Variants in KIF26B observed in about 807,000 individuals in gnomAD.
KIF26B encodes kinesin family member 26B, also known as kinesin-like protein KIF26B.
In KIF26B, 63 loss-of-function variants were observed where a neutral mutation model predicts 151.2. That is an observed-to-expected ratio of 0.42 (90% CI 0.34 to 0.51). The LOEUF is 0.51. KIF26B is among the 20% of genes least tolerant of loss of function. The probability of loss-of-function intolerance (pLI) is 0.07; values close to 1 mark genes in which losing one functional copy is unlikely to be tolerated. For missense variants in KIF26B, 2,813 were observed against 2,913.6 expected (o/e 0.97, Z 0.79); for synonymous variants, 1,357 against 1,262.1 (o/e 1.08, Z -1.59).
intron 2 of KIF26B, among the ~76,000 whole-genome samples, chr1:245,316,804 TG>T (rs1330797709): frequency 3.1e-5 from 4 of 127,532 alleles, no homozygotes; most frequent in South Asian, 4.6e-4. Flanking sequence ...GTGTGATTTC[TG>T]TGGGGCTTTT....
At chr1:245,212,603 C>T (rs1333054692) in intron 2 of KIF26B, among the ~76,000 whole-genome samples, 1 of 152,232 alleles carries the variant, frequency 6.6e-6, no homozygotes, top group African/African-American at 2.4e-5. Flanking sequence ...TCGAGAGCAG[C>T]AGCTCAGTCA....
chr1:245,436,115 T>C (rs1426119618), intron 4 of KIF26B, among the ~76,000 whole-genome samples: 2 of 150,938 alleles, frequency 1.3e-5, no homozygotes, highest in Non-Finnish European at 2.9e-5. Flanking sequence ...AGGTGGAGGT[T>C]GCAGTGAGCT....
chr1:245,294,616 C>G (rs1457868545), intron 2 of KIF26B, among the ~76,000 whole-genome samples: 1 of 152,080 alleles, frequency 6.6e-6, no homozygotes, highest in African/African-American at 2.4e-5. Context: ...AAGAGAATTT[C>G]TGGAAGTGGA....
chr1:245,246,286 C>A (rs1670329528), intron 2 of KIF26B, among the ~76,000 whole-genome samples: 1 of 152,198 alleles, frequency 6.6e-6, no homozygotes, highest in Non-Finnish European at 1.5e-5. Context: ...GTGGAGCCCC[C>A]TGAGCCAACG....
chr1:245,228,474 G>A (rs574046967), intron 2 of KIF26B, among the ~76,000 whole-genome samples: 3 of 151,962 alleles, frequency 2.0e-5, no homozygotes, highest in South Asian at 2.1e-4. Context: ...GCTGAGGCAG[G>A]AGAATTGCTT....
At chr1:245,673,513 C>G (rs567247911) in intron 10 of KIF26B, among the ~76,000 whole-genome samples, 52 of 152,226 alleles carry the variant, frequency 3.4e-4, no homozygotes, top group Non-Finnish European at 3.8e-4. Flanking sequence ...CAGATATTTC[C>G]TGGCCTTATT....
intron 3 of KIF26B, among the ~76,000 whole-genome samples, chr1:245,383,039 G>A (rs868747950): frequency 2.7e-5 from 4 of 146,214 alleles, no homozygotes; most frequent in Non-Finnish European, 4.5e-5. Context: ...ATATGTATAT[G>A]TATATATATA....
chr1:245,478,017 C>T (rs182648265), intron 4 of KIF26B, among the ~76,000 whole-genome samples: 2 of 151,890 alleles, frequency 1.3e-5, no homozygotes, highest in Non-Finnish European at 1.5e-5. Context: ...CCGCTGGCAC[C>T]CACTCATCAA....
chr1:245,513,981 G>A (rs12566972), intron 4 of KIF26B, among the ~76,000 whole-genome samples: 10,615 of 152,134 alleles, frequency 0.07, 728 homozygotes, highest in East Asian at 0.37. Flanking sequence ...CACCCCTTCC[G>A]AACCTCATCT....
intron 5 of KIF26B, among the ~76,000 whole-genome samples, chr1:245,547,585 CAAAAAAAA>C (rs56218217): frequency 1.7e-5 from 2 of 114,616 alleles, no homozygotes; most frequent in African/African-American, 3.3e-5. Flanking sequence ...GACTCCATCT[CAAAAAAAA>C]AAAAAAAAAA....
At chr1:245,209,126 G>A (rs140749378) in intron 2 of KIF26B, among the ~76,000 whole-genome samples, 20 of 152,292 alleles carry the variant, frequency 1.3e-4, no homozygotes, top group Middle Eastern at 3.4e-3. Flanking sequence ...CAGGCCAGGC[G>A]CAGTGGCTCA....
rs563795394 is a variant in KIF26B, at chr1:245,359,207, C to T, written c.466-7627C>T. Among the ~76,000 whole-genome samples the T allele has an allele frequency of 1.3e-3, 205 of 152,060 alleles. 1 individual carries two copies. Among genetic ancestry groups the T allele is most frequent in the African/African-American group, 4.7e-3 (194 of 41,484 alleles). ...TTAATTTTTGTATTTTTAGTAGAGA[C>T]GGGGTTTCACTATGTTGGCCAGGCT... On this transcript the variant is annotated intron_variant, in intron 2 of 14. Coordinates refer to ENST00000407071, the MANE Select transcript of KIF26B (RefSeq NM_018012.4).
At chr1:245,188,196 C>T (rs2103531243) in intron 2 of KIF26B, among the ~76,000 whole-genome samples, 1 of 141,574 alleles carries the variant, frequency 7.1e-6, no homozygotes, top group South Asian at 2.3e-4. Flanking sequence ...AGGAGAATCA[C>T]TTGATCCCAG....
At chr1:245,614,882 ACC>A in intron 9 of KIF26B, 1 of 80,712 alleles carries the variant, frequency 1.2e-5, no homozygotes, top group African/African-American at 5.5e-5. Context: ...GGAGATGCAG[ACC>A]TTTAAAATCG....
chr1:245,530,648 A>G (rs575998811), intron 4 of KIF26B, among the ~76,000 whole-genome samples: 1 of 152,350 alleles, frequency 6.6e-6, no homozygotes, highest in South Asian at 2.1e-4. Context: ...AAAATCTTTC[A>G]GCTCCTACCA....
At chr1:245,159,262 A>G (rs190616940) in intron 2 of KIF26B, among the ~76,000 whole-genome samples, 1 of 152,350 alleles carries the variant, frequency 6.6e-6, no homozygotes, top group East Asian at 1.9e-4. Context: ...AGAGTGTTAA[A>G]TTCTACTAGG....
At chr1:245,371,961 C>T (rs1673139150) in intron 3 of KIF26B, among the ~76,000 whole-genome samples, 1 of 152,214 alleles carries the variant, frequency 6.6e-6, no homozygotes, top group Non-Finnish European at 1.5e-5. Context: ...AGACTTTCTT[C>T]TGTTCATCTG....
chr1:245,401,856 C>T lies in KIF26B; in HGVS notation c.1000-17723C>T, dbSNP rs1459910034. On this transcript the variant is annotated intron_variant, in intron 3 of 14. Coordinates refer to ENST00000407071, the MANE Select transcript of KIF26B (RefSeq NM_018012.4). ...TTGCACTCCAGCCTGGGAGACAGAG[C>T]GAGATTCCATCTCCAAACAAACAAA... 7.3e-5 allele frequency among the ~76,000 whole-genome samples: 11 copies of T among 150,392 alleles called. No homozygotes were observed. In the East Asian group the frequency reaches 1.7e-3, roughly 24 times the overall value.
intron 4 of KIF26B, among the ~76,000 whole-genome samples, chr1:245,517,738 G>A (rs1661001311): frequency 6.6e-6 from 1 of 152,172 alleles, no homozygotes; most frequent in African/African-American, 2.4e-5. Context: ...GCTTCGGAGG[G>A]AAGGAGTCAT....
Sources: allele counts gnomAD v4.1 joint callset (sites outside exome capture counted in the v4.1 genomes callset), GRCh38; gene constraint gnomAD v4.1.1; transcripts MANE v1.5; gene names NCBI Gene and HGNC (gene_info 2026-07-23, HGNC 2026-07-21).